CAPN3: variants seen among roughly 807,000 people sequenced by gnomAD.
The protein encoded by CAPN3 is calpain 3, also known as calpain-3.
Under a neutral mutation model 114.0 loss-of-function variants are expected in CAPN3, and 88 were observed. That is an observed-to-expected ratio of 0.77 (90% CI 0.65 to 0.92). The LOEUF is 0.92. Among genes scored for constraint, CAPN3 ranks in the 40% least tolerant of loss-of-function variants. The pLI is 0.00. For missense variants in CAPN3, 1,028 were observed against 1,069.0 expected (o/e 0.96, Z 0.53); for synonymous variants, 386 against 382.9 (o/e 1.01, Z -0.09).
At chr15:42,363,436 T>C (rs991621079) in intron 1 of CAPN3, among the ~76,000 whole-genome samples, 1 of 152,174 alleles carries the variant, frequency 6.6e-6, no homozygotes, top group Non-Finnish European at 1.5e-5. Flanking sequence ...CAGGTCGTGT[T>C]TCATTCCATG....
chr15:42,385,281 T>C (rs575535470), intron 2 of CAPN3, among the ~76,000 whole-genome samples: 24 of 152,250 alleles, frequency 1.6e-4, no homozygotes, highest in African/African-American at 5.5e-4. Flanking sequence ...ATAAATCAGA[T>C]GAATATCTGG....
rs28364417 is a variant in CAPN3, at chr15:42,388,790, C to T, written c.633-138C>T. ...AGAAAGGGAATCATTGTTTCCATCCCATGAGCTCATAGGGTTAATGTGGAA... is the reference window on the plus strand; with the variant it reads ...AGAAAGGGAATCATTGTTTCCATCCTATGAGCTCATAGGGTTAATGTGGAA... On this transcript the variant is annotated intron_variant, in intron 4 of 23. Transcript: ENST00000397163. The T allele has an allele frequency of 6.1e-3, 4,934 of 805,762 alleles. 187 individuals carry two copies. In the African/African-American group the frequency reaches 0.077, roughly 13 times the overall value. The allele number at this position is 805,762 out of a possible 1,614,324, so 49.9% of individuals were successfully genotyped here.
chr15:42,392,122 G>A lies in CAPN3; in HGVS notation c.946-517G>A, dbSNP rs573209059. On this transcript the variant is annotated intron_variant, in intron 6 of 23. Transcript: ENST00000397163. ...AGAGGTTGCAGTGAGCCGAGATCGC[G>A]CCACTGCACTCCAGCCTGGGCGACA... Among the ~76,000 whole-genome samples the A allele has an allele frequency of 7.2e-5, 11 of 152,140 alleles. No homozygotes were observed. The East Asian group carries it at 1.2e-3, about 16-fold the overall frequency.
chr15:42,377,786 C>A (rs552545292), intron 1 of CAPN3, among the ~76,000 whole-genome samples: 9 of 152,244 alleles, frequency 5.9e-5, no homozygotes, highest in African/African-American at 1.4e-4. Context: ...ATTAGTGAAA[C>A]CATCTGGTTC....
intron 17 of CAPN3, 66 bp from the exon 18 acceptor site, chr15:42,409,721 G>A: frequency 7.1e-7 from 1 of 1,410,452 alleles, no homozygotes; most frequent in Non-Finnish European, 1.0e-6. Flanking sequence ...AATTTGTTTT[G>A]CAAAGTGTCC....
rs571053488 is a variant in CAPN3, at chr15:42,380,087, C to G, written c.310-4396C>G. On this transcript the variant is annotated intron_variant, in intron 1 of 23. Transcript: ENST00000397163. ...TGCATTCCAGCCTGGGCGACAAGAG[C>G]GAAACTCTGTCTCAAAAAAATAAAT... is the stretch of plus-strand genomic sequence containing the variant. Among the ~76,000 whole-genome samples, 10 of 152,140 alleles carry G rather than the reference C, an allele frequency of 6.6e-5. No individual in the cohort carries two copies. The South Asian group carries it at 2.1e-3, about 32-fold the overall frequency.
rs1273129397 is a variant in CAPN3 at position 42,399,608 on chromosome 15, G to T, written c.1310G>T (p.Arg437Leu). 1.9e-6 allele frequency: 3 copies of T among 1,612,886 alleles called. No individual in the cohort carries two copies. The highest frequency in any genetic ancestry group is 2.5e-6 in the Non-Finnish European group (3 of 1,179,662). The part of the protein sequence containing the change: ...QTWTVSVNEG[R>L]WVRGCSAGGC... ...TGGACAGTGTCTGTGAACGAGGGCC[G>T]CTGGGTACGGGGTTGCTCTGCCGGA... Residue 437 changes from arginine (R) to leucine (L), a missense_variant, in exon 10 of 24, where the codon CGC becomes CTC. By Grantham distance (102) the Arg-to-Leu change is moderately radical. Transcript: ENST00000397163.
chr15:42,384,946 G>C (rs1477441180), intron 2 of CAPN3, among the ~76,000 whole-genome samples: 1 of 152,170 alleles, frequency 6.6e-6, no homozygotes, highest in Non-Finnish European at 1.5e-5. Context: ...AAAAGGCATC[G>C]CCAAGGAAAG....
At chr15:42,379,911 G>C (rs780844822) in intron 1 of CAPN3, among the ~76,000 whole-genome samples, 4 of 152,174 alleles carry the variant, frequency 2.6e-5, no homozygotes, top group Non-Finnish European at 5.9e-5. Flanking sequence ...GAGGTCAGGA[G>C]TTTGAGACCA....
At chr15:42,409,036 C>G (rs1292543811) in intron 16 of CAPN3, 1 of 509,736 alleles carries the variant, frequency 2.0e-6, no homozygotes, top group Non-Finnish European at 3.5e-6. Context: ...GGGGCTCTTG[C>G]AGGTGGGGAC....
chr15:42,401,977 C>T, intron 11 of CAPN3, 147 bp from the exon 12 acceptor site: 1 of 1,286,280 alleles, frequency 7.8e-7, no homozygotes, highest in Non-Finnish European at 1.1e-6. Flanking sequence ...CCAGGGGGGG[C>T]ATTAGAGAGG....
chr15:42,400,617 T>C (rs2053836288), intron 10 of CAPN3, among the ~76,000 whole-genome samples: 2 of 150,322 alleles, frequency 1.3e-5, no homozygotes, highest in South Asian at 4.2e-4. Context: ...GCTCGGGAGG[T>C]TGAGGCTACA....
Position 42,385,525 on chromosome 15 carries a change from C to T in CAPN3, c.380-642C>T, listed in dbSNP as rs560374773. 4.2e-3 allele frequency among the ~76,000 whole-genome samples: 632 copies of T among 150,392 alleles called. 8 individuals carry two copies. The highest frequency in any genetic ancestry group is 0.015 in the African/African-American group (605 of 40,508). The stretch of plus-strand genomic sequence containing the variant: ...ACACCCCCTATTATATATATATATA[C>T]ACACACAGAGAGAGAGAGAGAGAGA... On this transcript the variant is annotated intron_variant, in intron 2 of 23. Transcript: ENST00000397163.
rs1595844437 is a variant in CAPN3, at chr15:42,408,333, G to C, written c.1914+9G>C. ...AAAAGCAGTCCCCACAGGTGTCTGG[G>C]CATGTGGCATGGGTGGGGTGGCCAG... On this transcript the variant is annotated intron_variant, in intron 16 of 23. Coordinates refer to ENST00000397163, the MANE Select transcript of CAPN3 (RefSeq NM_000070.3). 1.9e-6 allele frequency: 3 copies of C among 1,574,612 alleles called. No homozygotes were observed. The African/African-American group carries it at 4.0e-5, about 21-fold the overall frequency.
At chr15:42,383,113 G>A in intron 1 of CAPN3, among the ~76,000 whole-genome samples, 1 of 152,142 alleles carries the variant, frequency 6.6e-6, no homozygotes, top group East Asian at 1.9e-4. Flanking sequence ...ATGCTGTGGG[G>A]TGTAGCATAA....
Position 42,399,496 on chromosome 15 carries a change from T to A in CAPN3, c.1198T>A (p.Ser400Thr), listed in dbSNP as rs367863862. 2.8e-5 allele frequency: 45 copies of A among 1,613,346 alleles called. No individual in the cohort carries two copies. The highest frequency in any genetic ancestry group is 3.6e-5 in the Non-Finnish European group (43 of 1,179,426). Reference protein sequence around the residue: ...QVTEDGEFWMSYEDFIYHFTK... With the variant: ...QVTEDGEFWMTYEDFIYHFTK... ...TCTCTTCTTCCAACCTCTCAGGATG[T>A]CCTATGAGGATTTCATCTACCATTT... The change falls in exon 10 of 24, where the codon TCC (serine) becomes ACC (threonine). Residue 400 changes from serine to threonine, a missense_variant. By Grantham distance (58) the Ser-to-Thr change is moderately conservative. Transcript: ENST00000397163.
chr15:42,408,248 A>T lies in CAPN3; in HGVS notation c.1838A>T (p.Lys613Met). ...GTTTCGGACAGAGCAAACAGCAACA[A>T]GGAGCTGGGTGTGGACCAGGAGTCA... Reference protein sequence around the residue: ...IFVSDRANSNKELGVDQESEE... With the variant: ...IFVSDRANSNMELGVDQESEE... The change falls in exon 16 of 24, where the codon AAG becomes ATG. Residue 613 changes from lysine (K) to methionine (M), a missense_variant. By Grantham distance (95) the Lys-to-Met change is moderately conservative. Transcript: ENST00000397163. 1 of 1,613,836 alleles carries T rather than the reference A, an allele frequency of 6.2e-7. No individual in the cohort carries two copies. Among genetic ancestry groups the T allele is most frequent in the Non-Finnish European group, 8.5e-7 (1 of 1,179,840 alleles).
At chr15:42,390,796 T>TTG (rs1555420860) in intron 6 of CAPN3, among the ~76,000 whole-genome samples, 2 of 150,284 alleles carry the variant, frequency 1.3e-5, no homozygotes, top group African/African-American at 4.9e-5. Flanking sequence ...TTTTGTTTTT[T>TTG]TTTTTTTTTT....
intron 22 of CAPN3, 47 bp from the exon 23 acceptor site, chr15:42,411,240 G>T (rs2054218256): frequency 1.3e-6 from 2 of 1,505,834 alleles, no homozygotes; most frequent in Admixed American, 1.7e-5. Context: ...AGTAGTAGAG[G>T]CGGAGTGCGC....
Sources: gnomAD v4.1 joint callset for allele counts (sites outside exome capture counted in the v4.1 genomes callset) on GRCh38, gnomAD v4.1.1 for gene constraint, MANE v1.5 for transcripts, NCBI Gene and HGNC (gene_info 2026-07-23, HGNC 2026-07-21) for gene names.